LTBP1: variants seen among roughly 807,000 people sequenced by gnomAD.
LTBP1 encodes the protein latent-transforming growth factor beta-binding protein 1.
In LTBP1, 129 loss-of-function variants were observed where a neutral mutation model predicts 207.6. The observed-to-expected ratio is 0.62, with a 90% CI of 0.54 to 0.72. LTBP1 has a LOEUF of 0.72. Ranked by LOEUF, LTBP1 falls within the 30% of genes least tolerant of loss-of-function variation. The pLI is 0.00. For synonymous variants in LTBP1, 963 were observed against 833.7 expected, an observed-to-expected ratio of 1.16 and a Z score of -2.67; for missense variants, 2,281 against 2,217.2, an observed-to-expected ratio of 1.03 and a Z score of -0.58.
intron 22 of LTBP1, among the ~76,000 whole-genome samples, chr2:33,305,500 A>G (rs995504509): frequency 1.3e-5 from 2 of 152,192 alleles, no homozygotes; most frequent in Admixed American, 1.3e-4. Context: ...TGGGTAGAGC[A>G]TTCAGTTCAA....
chr2:33,044,680 A>AT (rs2076357527), intron 3 of LTBP1, among the ~76,000 whole-genome samples: 1 of 152,216 alleles, frequency 6.6e-6, no homozygotes, highest in African/African-American at 2.4e-5. Context: ...TCCTTGAGGA[A>AT]TTGTCACACT....
chr2:33,021,084 A>G lies in LTBP1; in HGVS notation c.741A>G (p.Gln247=), dbSNP rs966357697. 1 of 1,614,122 alleles carries G rather than the reference A, an allele frequency of 6.2e-7. No individual in the cohort carries two copies. The highest frequency in any genetic ancestry group is 2.2e-5 in the East Asian group (1 of 44,872). The stretch of plus-strand genomic sequence containing the variant: ...CTTCCTCGTGGGGCCCTCCTGAGCA[A>G]GCAGCAAAGCATACTTCATCTAAGA... The part of the protein sequence containing the change: ...GAASSWGPPE[Q]AAKHTSSKKA... The change falls in exon 3 of 34, where the codon CAA becomes CAG. Residue 247 remains glutamine (Q), a synonymous_variant. Coordinates refer to ENST00000404816, the MANE Select transcript of LTBP1 (RefSeq NM_206943.4).
chr2:33,301,248 T>C (rs1443823611), intron 21 of LTBP1, among the ~76,000 whole-genome samples: 1 of 152,226 alleles, frequency 6.6e-6, no homozygotes, highest in East Asian at 1.9e-4. Flanking sequence ...TCCAGAGTTC[T>C]TGAGAGGAAA....
Position 33,134,897 on chromosome 2 carries a change from A to G in LTBP1, c.1138A>G (p.Thr380Ala). The G allele has an allele frequency of 1.9e-6, 3 of 1,614,016 alleles. No homozygotes were observed. The highest frequency in any genetic ancestry group is 2.5e-6 in the Non-Finnish European group (3 of 1,179,978). Reference protein sequence around the residue: ...CQNSCEKGNTTTLISENGHAA... With the variant: ...CQNSCEKGNTATLISENGHAA... ...GAACAGCTGTGAGAAGGGGAACACC[A>G]CCACTCTCATTAGTGAGAATGGTCA... Residue 380 changes from threonine to alanine, a missense_variant, in exon 5 of 34, where the codon ACC (threonine) becomes GCC (alanine). Thr to Ala is a moderately conservative substitution (Grantham distance 58). This residue lies in a region of LTBP1 where 55 missense variants were observed against 91.5 expected (regional missense o/e 0.60). Coordinates refer to ENST00000404816, the MANE Select transcript of LTBP1 (RefSeq NM_206943.4). This position sits in a 1 kb window ranked among gnomAD's most constrained non-coding sequence, Gnocchi z 4.4.
intron 2 of LTBP1, among the ~76,000 whole-genome samples, chr2:32,962,672 T>C (rs150689): frequency 0.59 from 90,422 of 152,166 alleles, 27,864 homozygotes; most frequent in Non-Finnish European, 0.66. Flanking sequence ...TTGGAATGCT[T>C]TGTTTTGAGT....
At chr2:33,310,282 A>T (rs566036455) in intron 23 of LTBP1, among the ~76,000 whole-genome samples, 169 of 152,240 alleles carry the variant, frequency 1.1e-3, no homozygotes, top group African/African-American at 3.8e-3. Flanking sequence ...AGCCTCACTA[A>T]TAATTTGGTC....
Position 33,360,766 on chromosome 2 carries a change from G to C in LTBP1, c.4170G>C (p.Pro1390=), listed in dbSNP as rs376638313. The part of the protein sequence containing the change: ...WGDNCEIFPC[P]VLGTAEFTEM... Reference sequence around the variant, plus strand: ...ATAACTGCGAAATCTTCCCCTGCCCGGTCTTGGGAACTGGTAAGAATCCGC... The same window carrying C: ...ATAACTGCGAAATCTTCCCCTGCCCCGTCTTGGGAACTGGTAAGAATCCGC... Residue 1390 remains proline, a synonymous_variant, in exon 27 of 34, where the codon CCG becomes CCC. Coordinates refer to ENST00000404816, the MANE Select transcript of LTBP1 (RefSeq NM_206943.4). 4 of 1,613,812 alleles carry C rather than the reference G, an allele frequency of 2.5e-6. No individual in the cohort carries two copies. The highest frequency in any genetic ancestry group is 2.2e-5 in the East Asian group (1 of 44,886).
chr2:33,224,074 A>T (rs2091292560), intron 9 of LTBP1, among the ~76,000 whole-genome samples: 1 of 152,254 alleles, frequency 6.6e-6, no homozygotes, highest in Admixed American at 6.5e-5. Context: ...ATAGCATCAT[A>T]GAACTGGAAT....
At chr2:33,344,176 T>G (rs1309147015) in intron 25 of LTBP1, among the ~76,000 whole-genome samples, 1 of 152,210 alleles carries the variant, frequency 6.6e-6, no homozygotes, top group Admixed American at 6.5e-5. Context: ...TACAAAGCAA[T>G]GGTGTGGTTT....
At chr2:33,397,655 C>T (rs920823300) in intron 33 of LTBP1, among the ~76,000 whole-genome samples, 5 of 149,880 alleles carry the variant, frequency 3.3e-5, no homozygotes, top group Non-Finnish European at 7.4e-5. Context: ...CTACAGGCAC[C>T]CGCCACCACA....
At chr2:33,029,655 C>T (rs1298377096) in intron 3 of LTBP1, among the ~76,000 whole-genome samples, 1 of 152,200 alleles carries the variant, frequency 6.6e-6, no homozygotes, top group Non-Finnish European at 1.5e-5. Context: ...GCAGCAGAGT[C>T]ATGACTTGAA....
intron 23 of LTBP1, among the ~76,000 whole-genome samples, chr2:33,312,682 G>GA (rs149670612): frequency 0.042 from 6,054 of 143,882 alleles, 405 homozygotes; most frequent in African/African-American, 0.14. Flanking sequence ...CAGTTTCCTG[G>GA]AAAAAAAAAA....
chr2:33,160,902 C>G (rs774890752), intron 5 of LTBP1, among the ~76,000 whole-genome samples: 4 of 152,138 alleles, frequency 2.6e-5, no homozygotes, highest in Admixed American at 2.0e-4. Context: ...AGCACCTACC[C>G]TATAGGTGCT....
chr2:32,966,495 A>G (rs1368345635), intron 2 of LTBP1, among the ~76,000 whole-genome samples: 1 of 152,116 alleles, frequency 6.6e-6, no homozygotes, highest in Non-Finnish European at 1.5e-5. Flanking sequence ...GCTCACCATT[A>G]AGTATGGTGT....
chr2:33,050,737 C>G (rs1050867947), intron 3 of LTBP1, among the ~76,000 whole-genome samples: 3 of 143,424 alleles, frequency 2.1e-5, no homozygotes, highest in African/African-American at 7.6e-5. Context: ...TTGAAACTCT[C>G]TTTTTTTTTT....
intron 2 of LTBP1, among the ~76,000 whole-genome samples, chr2:32,993,588 G>T (rs189666401): frequency 7.2e-5 from 11 of 152,340 alleles, no homozygotes; most frequent in African/African-American, 2.6e-4. Flanking sequence ...TTACTGGGTA[G>T]TCACTAGGAG....
At position 33,187,100 on chromosome 2, in the gene LTBP1, C is replaced by CTT. The variant is rs758106962; in HGVS notation, c.1426+20_1426+21insTT. ...TCAAAGGTAAGCTTTTTTCATTCCG[C>CTT]CCATTTGCCAGACCTCTGTTAACCT... On this transcript the variant is annotated intron_variant, in intron 6 of 33. Transcript: ENST00000404816. 11 of 1,607,046 alleles carry CTT rather than the reference C, an allele frequency of 6.8e-6. No homozygotes were observed. Among genetic ancestry groups the CTT allele is most frequent in the Non-Finnish European group, 9.4e-6 (11 of 1,174,544 alleles).
At chr2:33,013,649 T>G (rs1484551421) in intron 2 of LTBP1, among the ~76,000 whole-genome samples, 2 of 152,234 alleles carry the variant, frequency 1.3e-5, no homozygotes, top group Non-Finnish European at 2.9e-5. Context: ...AACTGCTGGT[T>G]GTTTTGTATT....
At chr2:33,316,752 C>T (rs1408800401) in intron 24 of LTBP1, among the ~76,000 whole-genome samples, 1 of 152,202 alleles carries the variant, frequency 6.6e-6, no homozygotes, top group African/African-American at 2.4e-5. Flanking sequence ...TCCATGAATG[C>T]ATACATTCTT....
Sources: gnomAD v4.1 joint callset for allele counts (sites outside exome capture counted in the v4.1 genomes callset) on GRCh38, gnomAD v4.1.1 for gene constraint, gnomAD v4.1.1 regional missense constraint, Gnocchi (gnomAD v3.1) non-coding constraint, MANE v1.5 for transcripts, NCBI Gene and HGNC (gene_info 2026-07-23, HGNC 2026-07-21) for gene names.